MAP3K4: variants seen among roughly 807,000 people sequenced by gnomAD.
MAP3K4 encodes mitogen-activated protein kinase kinase kinase 4.
A neutral mutation model predicts 185.6 loss-of-function variants in MAP3K4; 67 were observed. That is an observed-to-expected ratio of 0.36 (90% CI 0.30 to 0.44). The LOEUF (loss-of-function observed/expected upper bound fraction) is 0.44. MAP3K4 is among the 20% of genes least tolerant of loss of function. The pLI is 1.00. For synonymous variants in MAP3K4, 702 were observed against 710.4 expected, an observed-to-expected ratio of 0.99 and a Z score of 0.19; for missense variants, 1,551 against 1,995.1, an observed-to-expected ratio of 0.78 and a Z score of 4.24.
rs1780700884 is a variant in MAP3K4, at chr6:160,991,776, C to T, written c.-156C>T. 2.5e-6 allele frequency: 2 copies of T among 805,820 alleles called. No homozygotes were observed. Among genetic ancestry groups the T allele is most frequent in the East Asian group, 3.4e-5 (1 of 29,452 alleles). 49.9% of individuals were successfully genotyped at this position (805,820 alleles called of 1,614,324 possible). ...GCCCACCGTAGCCCCGGCGCTCGGC[C>T]GGTCGCCGTTTCCAAGATGGCCGCG... is the stretch of plus-strand genomic sequence containing the variant. On this transcript the variant is annotated 5_prime_UTR_variant, in exon 1 of 27. Transcript: ENST00000392142. The surrounding 1 kb of genome is among the most constrained non-coding windows in gnomAD (Gnocchi z 5.7).
chr6:161,044,159 T>A (rs1783614533), intron 2 of MAP3K4, among the ~76,000 whole-genome samples: 1 of 152,206 alleles, frequency 6.6e-6, no homozygotes, highest in South Asian at 2.1e-4. Flanking sequence ...GAGGTTTGCT[T>A]TAATTGTGCT....
chr6:161,090,691 AATT>A (rs1785987248), intron 11 of MAP3K4, among the ~76,000 whole-genome samples: 5 of 50,578 alleles, frequency 9.9e-5, no homozygotes, highest in African/African-American at 2.3e-4. Flanking sequence ...TTGGGCCCGT[AATT>A]CTTGGTCGTG....
Position 161,082,657 on chromosome 6 carries a change from C to T in MAP3K4, c.2255+1619C>T, listed in dbSNP as rs1184489252. 1.3e-5 allele frequency among the ~76,000 whole-genome samples: 2 copies of T among 152,166 alleles called. No individual in the cohort carries two copies. The highest frequency in any genetic ancestry group is 4.8e-5 in the African/African-American group (2 of 41,438). ...GGGTCAGTCGGTGTTGGAATCAGCG[C>T]TGACTCCTTTGTTTCCTGCACACAC... is the stretch of plus-strand genomic sequence containing the variant. On this transcript the variant is annotated intron_variant, in intron 6 of 26. Coordinates refer to ENST00000392142, the MANE Select transcript of MAP3K4 (RefSeq NM_005922.4). This position sits in a 1 kb window ranked among gnomAD's most constrained non-coding sequence, Gnocchi z 4.2.
intron 1 of MAP3K4, among the ~76,000 whole-genome samples, chr6:161,030,851 G>T (rs1382213096): frequency 6.6e-6 from 1 of 152,198 alleles, no homozygotes; most frequent in African/African-American, 2.4e-5. Flanking sequence ...TGGATGGAAT[G>T]TAAACCAGTA....
chr6:161,099,215 A>T (rs1777720538), intron 17 of MAP3K4, among the ~76,000 whole-genome samples: 1 of 152,236 alleles, frequency 6.6e-6, no homozygotes, highest in Admixed American at 6.5e-5. Context: ...GTGATCTAAA[A>T]AGATCAACTT....
rs192604525 is a variant in MAP3K4 at position 161,081,068 on chromosome 6, G to A, written c.2255+30G>A. ...GAATCCTTGTGCTTCTGAACGCGAC[G>A]CTCCCACCTTCTCACTCTCACACCA... On this transcript the variant is annotated intron_variant, in intron 6 of 26. Transcript: ENST00000392142. The A allele has an allele frequency of 1.6e-4, 255 of 1,606,830 alleles. 1 individual carries two copies. The East Asian group carries it at 4.2e-3, about 27-fold the overall frequency.
chr6:161,117,110 A>C lies in MAP3K4; in HGVS notation c.*240A>C, dbSNP rs780060318. The C allele has an allele frequency of 9.1e-5, 48 of 527,502 alleles. No individual in the cohort carries two copies. The highest frequency in any genetic ancestry group is 1.4e-4 in the African/African-American group (7 of 51,580). The allele number at this position is 527,502 out of a possible 1,614,324, so 32.7% of individuals were successfully genotyped here. ...ATGTTAAGTGCCATTACTACTGTAC[A>C]CGGACCATCGCCTCTGTCTCCTCCG... On this transcript the variant is annotated 3_prime_UTR_variant, in exon 27 of 27. Transcript: ENST00000392142.
chr6:161,031,537 G>A (rs150225025), intron 1 of MAP3K4, among the ~76,000 whole-genome samples: 19 of 152,008 alleles, frequency 1.2e-4, no homozygotes, highest in African/African-American at 4.6e-4. Context: ...TTTTTAGATC[G>A]TGACGCTCCT....
chr6:160,992,161 C>T (rs1780744788), intron 1 of MAP3K4, 78 bp downstream of exon 1: 6 of 1,419,700 alleles, frequency 4.2e-6, no homozygotes, highest in South Asian at 1.5e-5. Context: ...GCCCGAGGGC[C>T]TCTGCTTCCC....
chr6:161,101,247 TTAATA>T lies in MAP3K4; in HGVS notation c.3675-642_3675-638del, dbSNP rs1777827250. 1 of 152,196 alleles carries T rather than the reference TTAATA, an allele frequency of 6.6e-6. No individual in the cohort carries two copies. Among genetic ancestry groups the T allele is most frequent in the Non-Finnish European group, 1.5e-5 (1 of 68,038 alleles). 9.4% of individuals were successfully genotyped at this position (152,196 alleles called of 1,614,324 possible). A position where few individuals can be genotyped will look rare whatever the true frequency, so the allele number is the denominator to read the frequency against. ...AAAAGCACCTCATTAACTTTGTTCTTTAATATATTAAGCTTCCTGCTCTTTTGCAC... is the reference window on the plus strand; with the variant it reads ...AAAAGCACCTCATTAACTTTGTTCTTTATTAAGCTTCCTGCTCTTTTGCAC... On this transcript the variant is annotated intron_variant, in intron 17 of 26. Transcript: ENST00000392142. This position sits in a 1 kb window ranked among gnomAD's most constrained non-coding sequence, Gnocchi z 5.1.
chr6:161,102,558 A>G (rs1777882682), intron 18 of MAP3K4, 141 bp from the exon 19 acceptor site: 1 of 562,604 alleles, frequency 1.8e-6, no homozygotes, highest in Non-Finnish European at 3.2e-6. Flanking sequence ...ATAGTTTCTC[A>G]CACCTACATC....
At chr6:161,013,039 A>G (rs1315143070) in intron 1 of MAP3K4, among the ~76,000 whole-genome samples, 1 of 152,208 alleles carries the variant, frequency 6.6e-6, no homozygotes, top group Non-Finnish European at 1.5e-5. Context: ...GAATTTCCTG[A>G]AAGTAGAATT....
At chr6:161,111,660 T>G (rs1424199415) in intron 23 of MAP3K4, among the ~76,000 whole-genome samples, 176 bp from the exon 24 acceptor site, 1 of 152,222 alleles carries the variant, frequency 6.6e-6, no homozygotes, top group Non-Finnish European at 1.5e-5. Flanking sequence ...TGCTTTTTAT[T>G]AAAATTTGTG....
rs943990021 is a variant in MAP3K4 at position 161,106,932 on chromosome 6, C to T, written c.4048+227C>T. 7.2e-5 allele frequency among the ~76,000 whole-genome samples: 11 copies of T among 152,120 alleles called. No homozygotes were observed. The highest frequency in any genetic ancestry group is 1.9e-4 in the East Asian group (1 of 5,170). ...AGATTTTAGAATGAGAAAGAGATTT[C>T]TAAATGATTCATTGCATTGGATTCT... On this transcript the variant is annotated intron_variant, in intron 20 of 26. Transcript: ENST00000392142. The surrounding 1 kb of genome is among the most constrained non-coding windows in gnomAD (Gnocchi z 4.9).
intron 1 of MAP3K4, among the ~76,000 whole-genome samples, chr6:161,015,920 G>GAGTA (rs2115095033): frequency 6.6e-6 from 1 of 152,218 alleles, no homozygotes; most frequent in Non-Finnish European, 1.5e-5. Flanking sequence ...ATAGCAGTGG[G>GAGTA]AGTACTACAT....
chr6:161,046,921 T>C (rs1298543096), intron 2 of MAP3K4, among the ~76,000 whole-genome samples: 2 of 147,926 alleles, frequency 1.4e-5, no homozygotes, highest in Non-Finnish European at 3.0e-5. Context: ...AATTATATAA[T>C]AATTTCTTAG....
chr6:161,032,795 T>C (rs931288943), intron 1 of MAP3K4, among the ~76,000 whole-genome samples: 5 of 152,220 alleles, frequency 3.3e-5, no homozygotes, highest in African/African-American at 9.6e-5. Context: ...TTTAAGGAAA[T>C]AGGTGCATTT....
chr6:161,020,174 C>T (rs1782311174), intron 1 of MAP3K4, among the ~76,000 whole-genome samples: 2 of 152,152 alleles, frequency 1.3e-5, no homozygotes, highest in South Asian at 4.1e-4. Context: ...GAGAAACTTG[C>T]TAAATGTGTG....
chr6:161,106,892 G>A lies in MAP3K4; in HGVS notation c.4048+187G>A, dbSNP rs912431136. On this transcript the variant is annotated intron_variant, in intron 20 of 26. Coordinates refer to ENST00000392142, the MANE Select transcript of MAP3K4 (RefSeq NM_005922.4). The surrounding 1 kb of genome is among the most constrained non-coding windows in gnomAD (Gnocchi z 4.9). Reference sequence around the variant, plus strand: ...GTTTAATTTGTAAAATGTATTCTAAGAGCAATACAAAATGAGATTTTAGAA... The same window carrying A: ...GTTTAATTTGTAAAATGTATTCTAAAAGCAATACAAAATGAGATTTTAGAA... 6.6e-6 allele frequency among the ~76,000 whole-genome samples: 1 copy of A among 152,050 alleles called. No individual in the cohort carries two copies. Among genetic ancestry groups the A allele is most frequent in the Non-Finnish European group, 1.5e-5 (1 of 68,010 alleles).
Sources: gnomAD v4.1 joint callset for allele counts (sites outside exome capture counted in the v4.1 genomes callset) on GRCh38, gnomAD v4.1.1 for gene constraint, Gnocchi (gnomAD v3.1) non-coding constraint, MANE v1.5 for transcripts, NCBI Gene and HGNC (gene_info 2026-07-23, HGNC 2026-07-21) for gene names.